The following SOS1 variants were observed in gnomAD, a reference collection of about 807,000 sequenced individuals.
SOS1 encodes son of sevenless homolog 1.
A neutral mutation model predicts 157.6 loss-of-function variants in SOS1; 25 were observed. The observed-to-expected ratio is 0.16, with a 90% CI of 0.12 to 0.22. SOS1 has a LOEUF of 0.22. SOS1 is among the 10% of genes least tolerant of loss of function. The pLI is 1.00. For synonymous variants in SOS1, 528 were observed against 534.0 expected, an observed-to-expected ratio of 0.99 and a Z score of 0.16; for missense variants, 1,237 against 1,599.1, an observed-to-expected ratio of 0.77 and a Z score of 3.86.
rs1292458756 is a variant in SOS1 at position 39,120,532 on chromosome 2, GC to G, written c.-111del. On this transcript the variant is annotated 5_prime_UTR_variant, in exon 1 of 23. Transcript: ENST00000402219. The stretch of plus-strand genomic sequence containing the variant: ...AACAGGGCCGCGGCCCCACCGGACG[GC>G]CCGGCCCCCTCCGGGCGCCGCGCAG... The G allele has an allele frequency of 1.2e-5, 13 of 1,113,494 alleles. No homozygotes were observed. The highest frequency in any genetic ancestry group is 1.3e-5 in the Non-Finnish European group (12 of 912,994). The allele number at this position is 1,113,494 out of a possible 1,614,324, so 69.0% of individuals were successfully genotyped here.
chr2:39,007,142 T>G lies in SOS1; in HGVS notation c.2562A>C (p.Arg854=), dbSNP rs745903386. 4 of 1,606,528 alleles carry G rather than the reference T, an allele frequency of 2.5e-6. No individual in the cohort carries two copies. The South Asian group carries it at 4.4e-5, about 18-fold the overall frequency. The change falls in exon 16 of 23, where the codon CGA becomes CGC. Residue 854 remains arginine, a synonymous_variant. Coordinates refer to ENST00000402219, the MANE Select transcript of SOS1 (RefSeq NM_005633.4). The part of the protein sequence containing the change: ...NLEERVAVVS[R]IIEILQVFQE... ...GAAAGACTTGTAGAATCTCAATAAT[T>G]CGACTCACCACAGCTACTCTTTCTT...
Position 39,120,535 on chromosome 2 carries a change from CG to C in SOS1, c.-114del. The C allele has an allele frequency of 9.1e-7, 1 of 1,093,400 alleles. No homozygotes were observed. Among genetic ancestry groups the C allele is most frequent in the Non-Finnish European group, 1.1e-6 (1 of 899,980 alleles). 67.7% of individuals were successfully genotyped at this position (1,093,400 alleles called of 1,614,324 possible). A position where few individuals can be genotyped will look rare whatever the true frequency, so the allele number is the denominator to read the frequency against. On this transcript the variant is annotated 5_prime_UTR_variant, in exon 1 of 23. Transcript: ENST00000402219. Reference sequence around the variant, plus strand: ...AGGGCCGCGGCCCCACCGGACGGCCCGGCCCCCTCCGGGCGCCGCGCAGCCG... The same window carrying C: ...AGGGCCGCGGCCCCACCGGACGGCCCGCCCCCTCCGGGCGCCGCGCAGCCG...
chr2:39,074,643 A>T (rs940936992), intron 1 of SOS1, among the ~76,000 whole-genome samples: 2 of 152,128 alleles, frequency 1.3e-5, no homozygotes, highest in Non-Finnish European at 2.9e-5. Flanking sequence ...CGAGGCAGGC[A>T]GATCACCTGA....
intron 1 of SOS1, among the ~76,000 whole-genome samples, chr2:39,073,025 T>C (rs1460417594): frequency 1.3e-5 from 2 of 152,172 alleles, no homozygotes; most frequent in Non-Finnish European, 2.9e-5. Flanking sequence ...CAAACAGAAG[T>C]AGTATTATAT....
Position 39,014,433 on chromosome 2 carries a change from C to G in SOS1, c.1940+332G>C, listed in dbSNP as rs1409894106. On this transcript the variant is annotated intron_variant, in intron 11 of 22. Transcript: ENST00000402219. ...TTGTTCACTGACAAGTTCCATTTTA[C>G]TCAACATGAAGTATGTTTGAAAACT... Among the ~76,000 whole-genome samples the G allele has an allele frequency of 3.9e-5, 6 of 151,998 alleles. No homozygotes were observed. The East Asian group carries it at 1.2e-3, about 29-fold the overall frequency.
chr2:39,064,622 C>T (rs1274958617), intron 2 of SOS1, among the ~76,000 whole-genome samples: 1 of 152,024 alleles, frequency 6.6e-6, no homozygotes, highest in Non-Finnish European at 1.5e-5. Flanking sequence ...AACGAATCTT[C>T]CCCAGTTCCC....
intron 5 of SOS1, among the ~76,000 whole-genome samples, chr2:39,051,957 T>C (rs982965738): frequency 1.3e-5 from 2 of 152,204 alleles, no homozygotes; most frequent in Non-Finnish European, 2.9e-5. Context: ...TCAATATTGG[T>C]TGTGCAGTCA....
chr2:39,095,543 T>G lies in SOS1; in HGVS notation c.87+24793A>C, dbSNP rs550131990. Among the ~76,000 whole-genome samples, 12 of 152,320 alleles carry G rather than the reference T, an allele frequency of 7.9e-5. No homozygotes were observed. The South Asian group carries it at 1.7e-3, about 21-fold the overall frequency. On this transcript the variant is annotated intron_variant, in intron 1 of 22. Coordinates refer to ENST00000402219, the MANE Select transcript of SOS1 (RefSeq NM_005633.4). Reference sequence around the variant, plus strand: ...AGTTCTGCAGGCTACATTCGAAAGTTTGTGTTTGAGACACTGAAATAAGTC... The same window carrying G: ...AGTTCTGCAGGCTACATTCGAAAGTGTGTGTTTGAGACACTGAAATAAGTC...
At chr2:39,067,586 C>A in intron 2 of SOS1, 42 bp downstream of exon 2, 1 of 1,584,434 alleles carries the variant, frequency 6.3e-7, no homozygotes, top group South Asian at 1.1e-5. Flanking sequence ...AACCAACACA[C>A]AAATTAGATA....
upstream of SOS1, among the ~76,000 whole-genome samples, chr2:39,121,433 C>T (rs1395911718): frequency 3.9e-5 from 6 of 152,322 alleles, no homozygotes; most frequent in African/African-American, 1.4e-4. Flanking sequence ...AAGACAGGTG[C>T]TCTGTCACGA....
intron 1 of SOS1, among the ~76,000 whole-genome samples, chr2:39,071,616 T>TA (rs1671796864): frequency 6.6e-6 from 1 of 152,218 alleles, no homozygotes; most frequent in African/African-American, 2.4e-5. Flanking sequence ...AATTACCTTT[T>TA]AAAAATATCA....
chr2:39,083,129 C>G (rs1258299933), intron 1 of SOS1, among the ~76,000 whole-genome samples: 1 of 151,996 alleles, frequency 6.6e-6, no homozygotes, highest in Admixed American at 6.6e-5. Context: ...TGTTACAGAC[C>G]CTGAATGCTT....
upstream of SOS1, among the ~76,000 whole-genome samples, chr2:39,122,977 C>T (rs1673946008): frequency 6.6e-6 from 1 of 152,186 alleles, no homozygotes; most frequent in African/African-American, 2.4e-5. Flanking sequence ...ACATTTCAAA[C>T]TTCTTACCGT....
chr2:39,016,563 G>C (rs1385597778), intron 10 of SOS1, among the ~76,000 whole-genome samples: 1 of 151,954 alleles, frequency 6.6e-6, no homozygotes, highest in Non-Finnish European at 1.5e-5. Context: ...TATTTGTAAG[G>C]TGAGGCTACT....
Position 39,083,053 on chromosome 2 carries a change from G to T in SOS1, c.88-15300C>A, listed in dbSNP as rs191238319. On this transcript the variant is annotated intron_variant, in intron 1 of 22. Coordinates refer to ENST00000402219, the MANE Select transcript of SOS1 (RefSeq NM_005633.4). The stretch of plus-strand genomic sequence containing the variant: ...ATCTCAGCAGACGTAGATAAAATTG[G>T]TTTTTGTTTATATAAATAGGCAGTT... Among the ~76,000 whole-genome samples the T allele has an allele frequency of 4.3e-3, 661 of 152,204 alleles. 7 individuals carry two copies. The highest frequency in any genetic ancestry group is 0.015 in the African/African-American group (631 of 41,520).
At chr2:39,097,618 C>T (rs1331017622) in intron 1 of SOS1, among the ~76,000 whole-genome samples, 2 of 151,592 alleles carry the variant, frequency 1.3e-5, no homozygotes, top group Non-Finnish European at 2.9e-5. Flanking sequence ...AGTACAGCAG[C>T]GCCATCTCAG....
chr2:39,066,640 A>C (rs974563924), intron 2 of SOS1, among the ~76,000 whole-genome samples: 2 of 152,158 alleles, frequency 1.3e-5, no homozygotes, highest in African/African-American at 4.8e-5. Context: ...TACTGACTAC[A>C]TATCTCTCTG....
At chr2:39,034,585 T>C (rs1670278639) in intron 8 of SOS1, among the ~76,000 whole-genome samples, 1 of 152,234 alleles carries the variant, frequency 6.6e-6, no homozygotes, top group Non-Finnish European at 1.5e-5. Flanking sequence ...TTTATTTAAT[T>C]TCAGTATATA....
intron 9 of SOS1, 42 bp downstream of exon 9, chr2:39,023,968 A>C: frequency 2.1e-6 from 3 of 1,452,788 alleles, no homozygotes; most frequent in Non-Finnish European, 2.9e-6. Context: ...ACACCACAAT[A>C]TTCAGGGAAA....
Sources: gnomAD v4.1 joint callset for allele counts (sites outside exome capture counted in the v4.1 genomes callset) on GRCh38, gnomAD v4.1.1 for gene constraint, MANE v1.5 for transcripts, NCBI Gene and HGNC (gene_info 2026-07-23, HGNC 2026-07-21) for gene names.